Variants in TCF12 observed in about 807,000 individuals in gnomAD.
The protein encoded by TCF12 is DNA-binding protein HTF4.
A neutral mutation model predicts 86.0 loss-of-function variants in TCF12; 45 were observed. That is an observed-to-expected ratio of 0.52 (90% CI 0.41 to 0.67). TCF12 has a LOEUF of 0.67. Among genes scored for constraint, TCF12 ranks in the 30% least tolerant of loss-of-function variants. TCF12 has a pLI of 0.00. For synonymous variants in TCF12, 330 were observed against 299.6 expected, an observed-to-expected ratio of 1.10 and a Z score of -1.05; for missense variants, 881 against 859.9, an observed-to-expected ratio of 1.02 and a Z score of -0.31.
At chr15:57,089,073 G>C (rs954804345) in intron 4 of TCF12, among the ~76,000 whole-genome samples, 1 of 152,184 alleles carries the variant, frequency 6.6e-6, no homozygotes, top group South Asian at 2.1e-4. Flanking sequence ...TTGGTGTACA[G>C]TTGTATGCGA....
At chr15:57,015,428 T>C (rs2065096603) in intron 3 of TCF12, among the ~76,000 whole-genome samples, 1 of 152,258 alleles carries the variant, frequency 6.6e-6, no homozygotes, top group African/African-American at 2.4e-5. Flanking sequence ...TAACCTTCCA[T>C]GCAAAATAGC....
chr15:57,219,031 T>C, intron 8 of TCF12: 1 of 1,045,730 alleles, frequency 9.6e-7, no homozygotes, highest in Non-Finnish European at 1.2e-6. Context: ...TTATCAAAGT[T>C]GAAGCAACTT....
intron 3 of TCF12, among the ~76,000 whole-genome samples, chr15:57,023,288 T>C (rs1049667666): frequency 6.6e-6 from 1 of 152,216 alleles, no homozygotes; most frequent in Admixed American, 6.5e-5. Context: ...CAAATACTTG[T>C]AGGTACTTTA....
At chr15:57,162,212 A>G (rs1489093390) in intron 5 of TCF12, among the ~76,000 whole-genome samples, 2 of 150,942 alleles carry the variant, frequency 1.3e-5, no homozygotes, top group African/African-American at 2.5e-5. Context: ...AAAATTGTCT[A>G]TACTTCATTT....
At chr15:57,264,932 G>C (rs139078280) in intron 18 of TCF12, among the ~76,000 whole-genome samples, 23 of 152,052 alleles carry the variant, frequency 1.5e-4, no homozygotes, top group African/African-American at 5.5e-4. Context: ...ATTTCGCCAT[G>C]TTGGCCAGGC....
At position 57,173,395 on chromosome 15, in the gene TCF12, AC is replaced by A. The variant is rs570429729; in HGVS notation, c.390+6930del. ...CCAAAATAAATAGAAAGAAGGAAAT[AC>A]TACAAATAAGAGCAGAAATCAATGT... On this transcript the variant is annotated intron_variant, in intron 6 of 20. Coordinates refer to ENST00000333725, the MANE Select transcript of TCF12 (RefSeq NM_207037.2). Among the ~76,000 whole-genome samples the A allele has an allele frequency of 3.0e-4, 45 of 152,254 alleles. No homozygotes were observed. The East Asian group carries it at 8.1e-3, about 27-fold the overall frequency.
chr15:57,043,448 T>G (rs76365580), intron 3 of TCF12, among the ~76,000 whole-genome samples: 7,405 of 152,228 alleles, frequency 0.049, 377 homozygotes, highest in African/African-American at 0.13. Flanking sequence ...ACTTATGTTC[T>G]TATGTTGTGT....
At chr15:57,211,982 CACA>C (rs2058127859) in intron 8 of TCF12, among the ~76,000 whole-genome samples, 1 of 868 alleles carries the variant, frequency 1.2e-3, no homozygotes, top group Admixed American at 0.015. Flanking sequence ...ACACACACCA[CACA>C]CACACACACA....
At chr15:57,214,351 A>G (rs751162085) in intron 8 of TCF12, 1 of 152,178 alleles carries the variant, frequency 6.6e-6, no homozygotes, top group African/African-American at 2.4e-5. Flanking sequence ...GAGGGATACA[A>G]TTTATTCACC....
At chr15:56,927,210 G>A (rs1190987186) in intron 3 of TCF12, among the ~76,000 whole-genome samples, 1 of 152,134 alleles carries the variant, frequency 6.6e-6, no homozygotes, top group African/African-American at 2.4e-5. Context: ...GACTCTTCTG[G>A]CTAATTTGGA....
intron 5 of TCF12, among the ~76,000 whole-genome samples, chr15:57,102,167 T>C (rs553044527): frequency 1.3e-5 from 2 of 152,332 alleles, no homozygotes; most frequent in South Asian, 2.1e-4. Context: ...TACTTATATA[T>C]CATTGATTTG....
At chr15:57,019,834 T>G (rs2065368220) in intron 3 of TCF12, among the ~76,000 whole-genome samples, 1 of 152,110 alleles carries the variant, frequency 6.6e-6, no homozygotes, top group Admixed American at 6.5e-5. Context: ...TGCCTACATT[T>G]TATTAGAATT....
chr15:56,931,583 A>G (rs528269060), intron 3 of TCF12, among the ~76,000 whole-genome samples: 5 of 152,330 alleles, frequency 3.3e-5, no homozygotes, highest in African/African-American at 1.2e-4. Flanking sequence ...GGAACAGACA[A>G]AATCAGTCTT....
intron 18 of TCF12, among the ~76,000 whole-genome samples, chr15:57,270,499 A>G (rs534227840): frequency 6.6e-6 from 1 of 152,254 alleles, no homozygotes; most frequent in East Asian, 1.9e-4. Flanking sequence ...GCAGTGGGTT[A>G]GAACATGCTT....
Position 57,287,637 on chromosome 15 carries a change from A to G in TCF12, c.*1492A>G, listed in dbSNP as rs775582100. 1 of 152,678 alleles carries G rather than the reference A, an allele frequency of 6.5e-6. No individual in the cohort carries two copies. Among genetic ancestry groups the G allele is most frequent in the Non-Finnish European group, 1.5e-5 (1 of 68,028 alleles). The allele number at this position is 152,678 out of a possible 1,614,324, so 9.5% of individuals were successfully genotyped here. A position where few individuals can be genotyped will look rare whatever the true frequency, so the allele number is the denominator to read the frequency against. Reference sequence around the variant, plus strand: ...AGGTATCTTGGCTTAATAATTCCTTATAGCCAATATCAACAGTGGCAATCA... The same window carrying G: ...AGGTATCTTGGCTTAATAATTCCTTGTAGCCAATATCAACAGTGGCAATCA... On this transcript the variant is annotated 3_prime_UTR_variant, in exon 21 of 21. Transcript: ENST00000333725.
intron 5 of TCF12, among the ~76,000 whole-genome samples, chr15:57,110,128 CAATGTATAAT>C (rs2050390419): frequency 6.6e-6 from 1 of 152,078 alleles, no homozygotes; most frequent in Admixed American, 6.5e-5. Context: ...GATAGCATAA[CAATGTATAAT>C]ATATCTGATT....
chr15:57,016,101 G>C (rs2065139106), intron 3 of TCF12, among the ~76,000 whole-genome samples: 1 of 152,196 alleles, frequency 6.6e-6, no homozygotes, highest in South Asian at 2.1e-4. Flanking sequence ...GTACCCTGCA[G>C]GTAGTTTATC....
At chr15:57,116,848 T>A in intron 5 of TCF12, among the ~76,000 whole-genome samples, 1 of 152,162 alleles carries the variant, frequency 6.6e-6, no homozygotes, top group Admixed American at 6.5e-5. Flanking sequence ...TTTGGTTAAT[T>A]GCAGTAGGGT....
intron 6 of TCF12, among the ~76,000 whole-genome samples, chr15:57,174,474 T>C (rs181556080): frequency 1.3e-5 from 2 of 152,334 alleles, no homozygotes; most frequent in East Asian, 3.9e-4. Flanking sequence ...GATGAAAGAC[T>C]AAATGCTTCC....
Sources: gnomAD v4.1 joint callset for allele counts (sites outside exome capture counted in the v4.1 genomes callset) on GRCh38, gnomAD v4.1.1 for gene constraint, MANE v1.5 for transcripts, NCBI Gene and HGNC (gene_info 2026-07-23, HGNC 2026-07-21) for gene names.